SENP1: variants seen among roughly 807,000 people sequenced by gnomAD.
SENP1 encodes SUMO specific peptidase 1.
In SENP1, 21 loss-of-function variants were observed where a neutral mutation model predicts 93.0. The observed-to-expected ratio is 0.23, with a 90% confidence interval of 0.16 to 0.33. The LOEUF (loss-of-function observed/expected upper bound fraction) is 0.33, where lower values mean the gene tolerates loss of function less well. SENP1 is among the 10% of genes least tolerant of loss of function. The pLI is 1.00. For missense variants in SENP1, 591 were observed against 758.7 expected (o/e 0.78, Z 2.60); for synonymous variants, 256 against 259.6 (o/e 0.99, Z 0.13).
intron 6 of SENP1, among the ~76,000 whole-genome samples, chr12:48,075,640 C>T (rs1232218479): frequency 6.6e-6 from 1 of 152,134 alleles, no homozygotes; most frequent in Admixed American, 6.6e-5. Flanking sequence ...CATATACTTC[C>T]TAACATTCAT....
intron 4 of SENP1, 90 bp downstream of exon 4, chr12:48,096,253 T>G (rs986599482): frequency 3.0e-6 from 2 of 675,858 alleles, no homozygotes; most frequent in African/African-American, 3.7e-5. Context: ...TTGACAATGT[T>G]TTTACTTTTG....
intron 4 of SENP1, among the ~76,000 whole-genome samples, chr12:48,090,710 C>T (rs1256270900): frequency 6.6e-6 from 1 of 152,164 alleles, no homozygotes; most frequent in Non-Finnish European, 1.5e-5. Context: ...AATCTCCTTG[C>T]CTCAGTCTCC....
intron 16 of SENP1, among the ~76,000 whole-genome samples, chr12:48,046,654 C>T (rs1375452161): frequency 6.6e-6 from 1 of 152,080 alleles, no homozygotes; most frequent in Non-Finnish European, 1.5e-5. Flanking sequence ...ATTAATCAAA[C>T]AGGAGAATAT....
intron 2 of SENP1, among the ~76,000 whole-genome samples, chr12:48,100,540 CAG>C (rs999021346): frequency 2.0e-5 from 3 of 151,970 alleles, no homozygotes; most frequent in Admixed American, 1.3e-4. Flanking sequence ...GAGGCTGAGA[CAG>C]GGGGATTGCT....
rs1943115019 is a variant in SENP1, at chr12:48,063,795, T to C, written c.1322A>G (p.Asp441Gly). 6.2e-7 allele frequency: 1 copy of C among 1,613,104 alleles called. No homozygotes were observed. Among genetic ancestry groups the C allele is most frequent in the South Asian group, 1.1e-5 (1 of 91,056 alleles). The change falls in exon 13 of 18, where the codon GAT becomes GGT. Residue 441 changes from aspartate (D) to glycine (G), a missense_variant. Transcript: ENST00000549518. ...IKNVFRNGNQ[D>G]EVLSEAFRLT... is the part of the protein sequence containing the mutation. The stretch of plus-strand genomic sequence containing the variant: ...GCGAAATGCTTCACTGAGAACTTCA[T>C]CCTGATTCCCATTACGAAATACATT...
At chr12:48,077,028 A>G (rs1387266257) in intron 6 of SENP1, among the ~76,000 whole-genome samples, 1 of 152,078 alleles carries the variant, frequency 6.6e-6, no homozygotes, top group African/African-American at 2.4e-5. Context: ...CTTTATGTCC[A>G]TTTGTACCCA....
chr12:48,045,037 T>A lies in SENP1; in HGVS notation c.*285A>T. On this transcript the variant is annotated 3_prime_UTR_variant, in exon 18 of 18. Transcript: ENST00000549518. ...AGGGACTGAGTGAGGCTGGAGCCCTTTGAAAACAAGATGGCAGAACTGAAG... is the reference window on the plus strand; with the variant it reads ...AGGGACTGAGTGAGGCTGGAGCCCTATGAAAACAAGATGGCAGAACTGAAG... 1 of 412,708 alleles carries A rather than the reference T, an allele frequency of 2.4e-6. No individual in the cohort carries two copies. Among genetic ancestry groups the A allele is most frequent in the African/African-American group, 2.0e-5 (1 of 51,176 alleles). 25.6% of individuals were successfully genotyped at this position (412,708 alleles called of 1,614,324 possible). A position where few individuals can be genotyped will look rare whatever the true frequency, so the allele number is the denominator to read the frequency against.
chr12:48,085,100 C>T, intron 5 of SENP1: 2 of 1,379,252 alleles, frequency 1.5e-6, no homozygotes, highest in African/African-American at 1.4e-5. Flanking sequence ...TGATCAGAGA[C>T]AAGGACACGG....
At chr12:48,080,808 A>T (rs952381643) in intron 6 of SENP1, among the ~76,000 whole-genome samples, 1 of 152,216 alleles carries the variant, frequency 6.6e-6, no homozygotes, top group African/African-American at 2.4e-5. Context: ...CTTGACTTTC[A>T]TATTAGGAGA....
intron 5 of SENP1, among the ~76,000 whole-genome samples, chr12:48,084,212 C>T (rs1327360148): frequency 6.6e-6 from 1 of 152,158 alleles, no homozygotes; most frequent in Non-Finnish European, 1.5e-5. Flanking sequence ...TGAAGCCTCT[C>T]AACTAAGCTT....
intron 15 of SENP1, among the ~76,000 whole-genome samples, chr12:48,047,430 A>T (rs1565728737): frequency 6.6e-6 from 1 of 152,182 alleles, no homozygotes. Context: ...TTCTGGTACT[A>T]TTGAGGTATT....
intron 8 of SENP1, among the ~76,000 whole-genome samples, chr12:48,073,405 A>G (rs1943848233): frequency 1.3e-5 from 2 of 151,874 alleles, no homozygotes; most frequent in South Asian, 4.1e-4. Flanking sequence ...GAATTTTCAC[A>G]AAGTACAAAT....
intron 4 of SENP1, among the ~76,000 whole-genome samples, chr12:48,089,540 T>C (rs755313682): frequency 1.3e-5 from 2 of 152,232 alleles, no homozygotes; most frequent in Non-Finnish European, 2.9e-5. Context: ...TCTTCAGTCA[T>C]CTAATGCCAT....
intron 4 of SENP1, among the ~76,000 whole-genome samples, chr12:48,090,376 C>G (rs1336169240): frequency 1.3e-5 from 2 of 152,190 alleles, no homozygotes; most frequent in African/African-American, 4.8e-5. Context: ...ATTACCCTAA[C>G]AGGTGTGAAA....
intron 9 of SENP1, among the ~76,000 whole-genome samples, chr12:48,071,342 A>T (rs1448177386): frequency 2.6e-5 from 4 of 151,060 alleles, no homozygotes; most frequent in Non-Finnish European, 5.9e-5. Flanking sequence ...TAGGCCAGGC[A>T]TGGTGGCTCA....
At chr12:48,047,479 T>G (rs1941456368) in intron 15 of SENP1, among the ~76,000 whole-genome samples, 1 of 152,250 alleles carries the variant, frequency 6.6e-6, no homozygotes, top group Admixed American at 6.5e-5. Context: ...TATCTAAAAA[T>G]TAAATCCAAA....
chr12:48,078,299 G>T (rs1944239043), intron 6 of SENP1, among the ~76,000 whole-genome samples: 1 of 46,934 alleles, frequency 2.1e-5, no homozygotes, highest in African/African-American at 6.6e-5. Flanking sequence ...ATAGTTTTTT[G>T]GTGGAGTCTG....
chr12:48,083,672 A>G lies in SENP1; in HGVS notation c.471T>C (p.Ser157=). 2.5e-6 allele frequency: 4 copies of G among 1,612,576 alleles called. No homozygotes were observed. The highest frequency in any genetic ancestry group is 3.4e-6 in the Non-Finnish European group (4 of 1,178,634). ...GACGACATGAACCACTCCAAGATGGACTTGGAACAGGTTTAATAGGAAAAG... is the reference window on the plus strand; with the variant it reads ...GACGACATGAACCACTCCAAGATGGGCTTGGAACAGGTTTAATAGGAAAAG... ...EKSFPIKPVP[S]PSWSGSCRRS... The change falls in exon 6 of 18, where the codon AGT becomes AGC. Residue 157 remains serine, a synonymous_variant. Coordinates refer to ENST00000549518, the MANE Select transcript of SENP1 (RefSeq NM_001267594.2).
intron 8 of SENP1, among the ~76,000 whole-genome samples, chr12:48,072,483 G>A (rs1022362536): frequency 1.3e-5 from 2 of 152,118 alleles, no homozygotes; most frequent in Admixed American, 6.5e-5. Context: ...TGGGCATAAT[G>A]GCTCACACCT....
Sources: gnomAD v4.1 joint callset for allele counts (sites outside exome capture counted in the v4.1 genomes callset) on GRCh38, gnomAD v4.1.1 for gene constraint, MANE v1.5 for transcripts, NCBI Gene and HGNC (gene_info 2026-07-23, HGNC 2026-07-21) for gene names.